Variants in PIP5K1A observed in about 807,000 individuals in gnomAD.
The protein encoded by PIP5K1A is phosphatidylinositol 4-phosphate 5-kinase type-1 alpha.
A neutral mutation model predicts 72.9 loss-of-function variants in PIP5K1A; 46 were observed. That is an observed-to-expected ratio of 0.63 (90% CI 0.50 to 0.81). The LOEUF (loss-of-function observed/expected upper bound fraction) is 0.81. PIP5K1A is among the 30% of genes least tolerant of loss of function. PIP5K1A has a pLI of 0.00. For missense variants in PIP5K1A, 458 were observed against 706.1 expected (o/e 0.65, Z 3.98); for synonymous variants, 228 against 255.1 (o/e 0.89, Z 1.01).
In PIP5K1A at chr1:151,248,771, G is replaced by A. The variant is rs925249298; in HGVS notation, c.*906G>A. 6.6e-6 allele frequency: 1 copy of A among 152,610 alleles called. No homozygotes were observed. The highest frequency in any genetic ancestry group is 2.4e-5 in the African/African-American group (1 of 41,450). 9.5% of individuals were successfully genotyped at this position (152,610 alleles called of 1,614,324 possible). On this transcript the variant is annotated 3_prime_UTR_variant, in exon 16 of 16. Coordinates refer to ENST00000368888, the MANE Select transcript of PIP5K1A (RefSeq NM_001135638.2). Reference sequence around the variant, plus strand: ...ATATATTCTGGTTGTTTTTCTAAATGTGAAGACTTACCAAATGAATTTTAG... The same window carrying A: ...ATATATTCTGGTTGTTTTTCTAAATATGAAGACTTACCAAATGAATTTTAG...
At chr1:151,218,187 T>C (rs1423284355) in intron 1 of PIP5K1A, among the ~76,000 whole-genome samples, 2 of 152,218 alleles carry the variant, frequency 1.3e-5, no homozygotes, top group African/African-American at 4.8e-5. Context: ...AGTATCAGAC[T>C]TGAAAGTTTC....
chr1:151,243,553 G>A lies in PIP5K1A; in HGVS notation c.1640+986G>A, dbSNP rs587707060. Among the ~76,000 whole-genome samples the A allele has an allele frequency of 3.3e-5, 5 of 152,316 alleles. No homozygotes were observed. In the East Asian group the frequency reaches 5.8e-4, roughly 18 times the overall value. ...GTTCCAAAATCCAGGAAATGTTGGA[G>A]TTTCTTTTATCAGGCCTCAAAGCAG... On this transcript the variant is annotated intron_variant, in intron 14 of 15. Transcript: ENST00000368888.
chr1:151,217,385 T>C (rs1332310970), intron 1 of PIP5K1A, among the ~76,000 whole-genome samples: 1 of 152,202 alleles, frequency 6.6e-6, no homozygotes, highest in Non-Finnish European at 1.5e-5. Flanking sequence ...GTGTGTGAAC[T>C]AACTTTACTT....
chr1:151,209,793 C>G (rs587758927), intron 1 of PIP5K1A, among the ~76,000 whole-genome samples: 3 of 151,904 alleles, frequency 2.0e-5, no homozygotes, highest in African/African-American at 7.2e-5. Flanking sequence ...GTCTTGAACT[C>G]CTAATCCTAA....
At chr1:151,221,305 T>C (rs1449582166) in intron 1 of PIP5K1A, among the ~76,000 whole-genome samples, 2 of 151,928 alleles carry the variant, frequency 1.3e-5, no homozygotes, top group Admixed American at 6.6e-5. Flanking sequence ...GATGCCTGAG[T>C]GATGGAGAAA....
intron 10 of PIP5K1A, among the ~76,000 whole-genome samples, chr1:151,238,793 A>G (rs587669985): frequency 6.6e-6 from 1 of 152,314 alleles, no homozygotes; most frequent in East Asian, 1.9e-4. Flanking sequence ...TTGGTTCAGT[A>G]TTATCATCCA....
chr1:151,227,761 T>C (rs1372788452), intron 4 of PIP5K1A, among the ~76,000 whole-genome samples: 1 of 152,012 alleles, frequency 6.6e-6, no homozygotes, highest in African/African-American at 2.4e-5. Context: ...TGGCACACGC[T>C]TGTGGTCCCA....
At chr1:151,245,872 C>T (rs1240599839) in intron 14 of PIP5K1A, among the ~76,000 whole-genome samples, 1 of 152,124 alleles carries the variant, frequency 6.6e-6, no homozygotes, top group African/African-American at 2.4e-5. Context: ...TATAGCAGCA[C>T]CTCAATTCCA....
Position 151,239,175 on chromosome 1 carries a change from C to T in PIP5K1A, c.1275C>T (p.Asp425=), listed in dbSNP as rs953792929. 4 of 1,603,372 alleles carry T rather than the reference C, an allele frequency of 2.5e-6. No individual in the cohort carries two copies. The highest frequency in any genetic ancestry group is 1.3e-5 in the African/African-American group (1 of 74,662). ...ACTCTTGGAAAGCCCTGGTACATGA[C>T]GGAGTAAGTAGTAATACTAGAGGCT... The part of the protein sequence containing the change: ...LEHSWKALVH[D]GDTVSVHRPG... Residue 425 remains aspartate, a synonymous_variant, in exon 11 of 16, where the codon GAC becomes GAT. Coordinates refer to ENST00000368888, the MANE Select transcript of PIP5K1A (RefSeq NM_001135638.2).
At chr1:151,207,694 G>T (rs1000259226) in intron 1 of PIP5K1A, among the ~76,000 whole-genome samples, 1 of 151,800 alleles carries the variant, frequency 6.6e-6, no homozygotes, top group African/African-American at 2.4e-5. Flanking sequence ...ACCACGCCTG[G>T]CTAATTTTTG....
intron 10 of PIP5K1A, 200 bp downstream of exon 10, chr1:151,238,465 C>G: frequency 1.8e-6 from 1 of 548,434 alleles, no homozygotes; most frequent in South Asian, 2.0e-5. Flanking sequence ...CCTTCCTCCC[C>G]CATCTCCCCA....
At position 151,242,238 on chromosome 1, in the gene PIP5K1A, A is replaced by C; in HGVS notation, c.1479A>C (p.Ala493=). ...YQPSVSGEHK[A]QVTTKAEVEP... ...CATCGGTCTCTGGGGAACACAAGGC[A>C]CAAGTGACAACAAAGGCAGAAGTGG... The change falls in exon 13 of 16, where the codon GCA becomes GCC. Residue 493 remains alanine (A), a synonymous_variant. Coordinates refer to ENST00000368888, the MANE Select transcript of PIP5K1A (RefSeq NM_001135638.2). The C allele has an allele frequency of 6.2e-7, 1 of 1,614,180 alleles. No individual in the cohort carries two copies. The highest frequency in any genetic ancestry group is 2.2e-5 in the East Asian group (1 of 44,884).
chr1:151,239,306 TC>T, intron 11 of PIP5K1A, 128 bp downstream of exon 11: 1 of 602,888 alleles, frequency 1.7e-6, no homozygotes, highest in Non-Finnish European at 2.9e-6. Context: ...AGGGTCTCAC[TC>T]TGTCACCCAG....
chr1:151,210,735 G>A lies in PIP5K1A; in HGVS notation c.85+11654G>A, dbSNP rs756456638. On this transcript the variant is annotated intron_variant, in intron 1 of 15. Coordinates refer to ENST00000368888, the MANE Select transcript of PIP5K1A (RefSeq NM_001135638.2). ...CGAGTAGTCGGGATTACAGGTGTGC[G>A]CCACCATGCCCGGCTAATTTTTTTG... 3.3e-5 allele frequency among the ~76,000 whole-genome samples: 5 copies of A among 152,130 alleles called. No homozygotes were observed. The South Asian group carries it at 6.2e-4, about 19-fold the overall frequency.
chr1:151,234,325 C>T lies in PIP5K1A; in HGVS notation c.768C>T (p.Ile256=), dbSNP rs587736081. 4 of 1,613,942 alleles carry T rather than the reference C, an allele frequency of 2.5e-6. No individual in the cohort carries two copies. The Admixed American group carries it at 5.0e-5, about 20-fold the overall frequency. ...NLLPRSVKMH[I]KYDLKGSTYK... is the part of the protein sequence containing the mutation. ...TACCAAGATCGGTAAAAATGCATAT[C>T]AAATATGACCTCAAAGGCTCAACCT... is the stretch of plus-strand genomic sequence containing the variant. Residue 256 remains isoleucine (I), a synonymous_variant, in exon 8 of 16, where the codon ATC becomes ATT. Coordinates refer to ENST00000368888, the MANE Select transcript of PIP5K1A (RefSeq NM_001135638.2).
At chr1:151,239,560 C>T (rs1438074479) in intron 11 of PIP5K1A, among the ~76,000 whole-genome samples, 1 of 151,992 alleles carries the variant, frequency 6.6e-6, no homozygotes, top group Non-Finnish European at 1.5e-5. Flanking sequence ...TGGAGTCTCG[C>T]TCTGTCACTC....
chr1:151,216,101 C>T (rs955912520), intron 1 of PIP5K1A: 1 of 603,070 alleles, frequency 1.7e-6, no homozygotes, highest in Non-Finnish European at 2.9e-6. Context: ...CTAATCCCAG[C>T]ACCTTGGGAG....
chr1:151,200,953 C>T (rs1247068381), intron 1 of PIP5K1A, among the ~76,000 whole-genome samples: 3 of 152,060 alleles, frequency 2.0e-5, no homozygotes, highest in Admixed American at 2.0e-4. Context: ...CCTCAGCCTC[C>T]CGAGTAGCTG....
In PIP5K1A at chr1:151,236,747, A is replaced by T. The variant is rs763740355; in HGVS notation, c.1129A>T (p.Met377Leu). 3 of 1,612,188 alleles carry T rather than the reference A, an allele frequency of 1.9e-6. No homozygotes were observed. The highest frequency in any genetic ancestry group is 2.7e-5 in the African/African-American group (2 of 74,630). The change falls in exon 9 of 16, where the codon ATG becomes TTG. Residue 377 changes from methionine to leucine, a missense_variant. Transcript: ENST00000368888. ...IQGEARRGGT[M>L]ETDDHMGGIP... ...GGGAGAGGCTCGACGGGGTGGTACC[A>T]TGGAGACTGATGACCAGTAAGTGGG...
Sources: allele counts gnomAD v4.1 joint callset (sites outside exome capture counted in the v4.1 genomes callset), GRCh38; gene constraint gnomAD v4.1.1; transcripts MANE v1.5; gene names NCBI Gene and HGNC (gene_info 2026-07-23, HGNC 2026-07-21).